The following TCF7L2 variants were observed in gnomAD, a reference collection of about 807,000 sequenced individuals.
The protein encoded by TCF7L2 is transcription factor 7 like 2.
In TCF7L2, 23 loss-of-function variants were observed where a neutral mutation model predicts 77.9. The observed-to-expected ratio is 0.30, with a 90% CI of 0.21 to 0.42. The LOEUF is 0.42. Among genes scored for constraint, TCF7L2 ranks in the 10% least tolerant of loss-of-function variants. The probability of loss-of-function intolerance (pLI) is 1.00; values close to 1 mark genes in which losing one functional copy is unlikely to be tolerated. For missense variants in TCF7L2, 654 were observed against 793.1 expected, an observed-to-expected ratio of 0.82 and a Z score of 2.11; for synonymous variants, 413 against 340.2, an observed-to-expected ratio of 1.21 and a Z score of -2.36.
At chr10:112,955,561 A>T (rs536240294) in intron 3 of TCF7L2, among the ~76,000 whole-genome samples, 5 of 152,290 alleles carry the variant, frequency 3.3e-5, no homozygotes, top group African/African-American at 1.2e-4. Context: ...GTTTTTGGAA[A>T]CTTTTGACTG....
In TCF7L2 at chr10:112,950,434, CTTG is replaced by C. The variant is rs1468806771; in HGVS notation, c.-313_-311del. Reference sequence around the variant, plus strand: ...CCCCTTTGCTCTTTATATCTGACTTCTTGTTGTTGTTGGTGTTTTTTTTTTTTT... The same window carrying C: ...CCCCTTTGCTCTTTATATCTGACTTCTTGTTGTTGGTGTTTTTTTTTTTTT... On this transcript the variant is annotated 5_prime_UTR_variant, in exon 1 of 14. Transcript: ENST00000627217. 2.8e-4 allele frequency: 62 copies of C among 220,838 alleles called. No individual in the cohort carries two copies. The highest frequency in any genetic ancestry group is 1.1e-3 in the African/African-American group (43 of 39,704). The allele number at this position is 220,838 out of a possible 1,614,324, so 13.7% of individuals were successfully genotyped here.
chr10:113,033,692 G>A (rs12359102), intron 4 of TCF7L2, among the ~76,000 whole-genome samples: 80,967 of 152,078 alleles, frequency 0.53, 24,318 homozygotes, highest in African/African-American at 0.81. Context: ...TTTCTATACA[G>A]TCATGCTTTA....
At chr10:113,159,849 TTC>T (rs1555151277) in intron 12 of TCF7L2, 69 bp from the exon 14 acceptor site, 1,643 of 154,916 alleles carry the variant, frequency 0.011, no homozygotes, top group Admixed American at 0.013. Flanking sequence ...CCCCCCCTCT[TTC>T]TCTCTCTCTC....
At chr10:113,081,677 A>G (rs956835188) in intron 5 of TCF7L2, among the ~76,000 whole-genome samples, 2 of 152,198 alleles carry the variant, frequency 1.3e-5, no homozygotes, top group Non-Finnish European at 2.9e-5. Flanking sequence ...TTCATTTTCC[A>G]CCTGCTTGAG....
chr10:113,106,502 T>G (rs2062338093), intron 5 of TCF7L2, among the ~76,000 whole-genome samples: 1 of 152,214 alleles, frequency 6.6e-6, no homozygotes, highest in Non-Finnish European at 1.5e-5. Context: ...AAATTCAGTG[T>G]GTTCAGTATG....
At chr10:113,128,209 A>G (rs2065976548) in intron 5 of TCF7L2, among the ~76,000 whole-genome samples, 1 of 152,136 alleles carries the variant, frequency 6.6e-6, no homozygotes, top group Non-Finnish European at 1.5e-5. Context: ...TAAGGGCCTT[A>G]AAGATTGCTG....
At chr10:113,140,588 G>A (rs1376941232) in intron 5 of TCF7L2, among the ~76,000 whole-genome samples, 1 of 152,138 alleles carries the variant, frequency 6.6e-6, no homozygotes, top group Non-Finnish European at 1.5e-5. Context: ...TTCTGGTAAA[G>A]TTCACACTCC....
intron 4 of TCF7L2, among the ~76,000 whole-genome samples, chr10:113,008,826 C>G (rs1332325037): frequency 6.6e-6 from 1 of 152,142 alleles, no homozygotes; most frequent in African/African-American, 2.4e-5. Context: ...TCCTAGGGCT[C>G]CCTTGTTCAT....
chr10:113,037,422 G>A (rs944082533), intron 4 of TCF7L2, among the ~76,000 whole-genome samples: 8 of 152,270 alleles, frequency 5.3e-5, no homozygotes, highest in African/African-American at 1.9e-4. Context: ...GGGCAGTGGG[G>A]CCGAGTCTCA....
chr10:113,040,343 C>T (rs2052219532), intron 5 of TCF7L2, among the ~76,000 whole-genome samples: 1 of 152,158 alleles, frequency 6.6e-6, no homozygotes, highest in Admixed American at 6.5e-5. Context: ...CAAACCTTTC[C>T]TCCACTCTTT....
At chr10:113,039,039 G>A (rs755680848) in intron 4 of TCF7L2, among the ~76,000 whole-genome samples, 1 of 152,176 alleles carries the variant, frequency 6.6e-6, no homozygotes, top group African/African-American at 2.4e-5. Flanking sequence ...ATAAAGGCTC[G>A]TCTCCATGTG....
intron 5 of TCF7L2, among the ~76,000 whole-genome samples, chr10:113,135,236 C>A (rs569768908): frequency 8.5e-5 from 13 of 152,162 alleles, no homozygotes; most frequent in Non-Finnish European, 1.9e-4. Context: ...AGTTGCAGAG[C>A]GCTATGCTTA....
At chr10:113,015,702 A>G (rs1172587862) in intron 4 of TCF7L2, among the ~76,000 whole-genome samples, 1 of 151,722 alleles carries the variant, frequency 6.6e-6, no homozygotes, top group Non-Finnish European at 1.5e-5. Context: ...GGCTGGTCTC[A>G]AACTCCTGGG....
chr10:113,167,565 G>T lies in TCF7L2; in HGVS notation c.*1593G>T. Reference sequence around the variant, plus strand: ...GTTCCGTTTTATGCTCTTATTCCAAGTTCATTTTTAATGGTTTGGAAGCCA... The same window carrying T: ...GTTCCGTTTTATGCTCTTATTCCAATTTCATTTTTAATGGTTTGGAAGCCA... On this transcript the variant is annotated 3_prime_UTR_variant, in exon 14 of 14. Transcript: ENST00000627217. 1 of 209,066 alleles carries T rather than the reference G, an allele frequency of 4.8e-6. No homozygotes were observed. 13.0% of individuals were successfully genotyped at this position (209,066 alleles called of 1,614,324 possible). A position where few individuals can be genotyped will look rare whatever the true frequency, so the allele number is the denominator to read the frequency against.
intron 4 of TCF7L2, among the ~76,000 whole-genome samples, chr10:113,017,318 G>T (rs1228773538): frequency 6.6e-6 from 1 of 152,160 alleles, no homozygotes; most frequent in Non-Finnish European, 1.5e-5. Flanking sequence ...TCTGATGCAG[G>T]GTGCTGTGTG....
intron 5 of TCF7L2, among the ~76,000 whole-genome samples, chr10:113,088,727 T>C (rs537014868): frequency 2.6e-5 from 4 of 151,972 alleles, no homozygotes; most frequent in African/African-American, 9.7e-5. Flanking sequence ...GAGGCCGAGA[T>C]AGGAGGATTG....
intron 5 of TCF7L2, among the ~76,000 whole-genome samples, chr10:113,067,823 C>T (rs1285746025): frequency 3.3e-5 from 5 of 149,526 alleles, no homozygotes; most frequent in African/African-American, 5.0e-5. Flanking sequence ...CCCTTTAGCT[C>T]GGACACTTAG....
chr10:113,078,955 C>G (rs2059023880), intron 5 of TCF7L2, among the ~76,000 whole-genome samples: 1 of 152,070 alleles, frequency 6.6e-6, no homozygotes, highest in Non-Finnish European at 1.5e-5. Flanking sequence ...GCCTCAGCCT[C>G]CCGAGTAGCT....
intron 11 of TCF7L2, among the ~76,000 whole-genome samples, chr10:113,152,938 C>T (rs539986021): frequency 1.3e-5 from 2 of 152,248 alleles, no homozygotes; most frequent in South Asian, 2.1e-4. Flanking sequence ...TGCCATGGTG[C>T]AGTAGAAGTT....
Sources: allele counts gnomAD v4.1 joint callset (sites outside exome capture counted in the v4.1 genomes callset), GRCh38; gene constraint gnomAD v4.1.1; transcripts MANE v1.5; gene names NCBI Gene and HGNC (gene_info 2026-07-23, HGNC 2026-07-21).